Variants in CDK7 observed in about 807,000 individuals in gnomAD.
The protein encoded by CDK7 is cyclin-dependent kinase 7.
CDK7 carries 25 observed loss-of-function variants against 49.1 expected under a neutral mutation model. The ratio of observed to expected loss-of-function variants is 0.51; its 90% CI spans 0.37 to 0.71. CDK7 has a LOEUF of 0.71. Ranked by LOEUF, CDK7 falls within the 30% of genes least tolerant of loss-of-function variation. CDK7 has a pLI of 0.00. For synonymous variants in CDK7, 107 were observed against 140.0 expected, an observed-to-expected ratio of 0.76 and a Z score of 1.67; for missense variants, 316 against 411.7, an observed-to-expected ratio of 0.77 and a Z score of 2.01.
intron 2 of CDK7, among the ~76,000 whole-genome samples, chr5:69,249,957 A>G (rs1750032118): frequency 6.6e-6 from 1 of 152,230 alleles, no homozygotes; most frequent in South Asian, 2.1e-4. Flanking sequence ...TTTACCTGAT[A>G]GGATTCTGAA....
intron 2 of CDK7, among the ~76,000 whole-genome samples, chr5:69,248,476 C>T (rs1251194891): frequency 6.6e-6 from 1 of 152,040 alleles, no homozygotes; most frequent in East Asian, 1.9e-4. Context: ...CAACCTCCTC[C>T]TCCCGGGTTC....
chr5:69,274,573 T>C (rs1751915739), intron 10 of CDK7, among the ~76,000 whole-genome samples: 1 of 152,216 alleles, frequency 6.6e-6, no homozygotes, highest in Admixed American at 6.5e-5. Context: ...TTGCAAAGTT[T>C]ATATGGGCTT....
At position 69,263,946 on chromosome 5, in the gene CDK7, A is replaced by G. The variant is rs143786930; in HGVS notation, c.627+1642A>G. ...TCTTTAAAGTTATAAGGAAAATGAC[A>G]TGCAGACTAAAGAATTGTACTCTTC... On this transcript the variant is annotated intron_variant, in intron 8 of 11. Transcript: ENST00000256443. 4.1e-3 allele frequency among the ~76,000 whole-genome samples: 632 copies of G among 152,346 alleles called. 3 individuals are homozygous for G. The highest frequency in any genetic ancestry group is 0.015 in the African/African-American group (609 of 41,588).
chr5:69,237,470 G>A (rs1327559826), intron 2 of CDK7, among the ~76,000 whole-genome samples: 1 of 152,082 alleles, frequency 6.6e-6, no homozygotes, highest in Non-Finnish European at 1.5e-5. Context: ...CTCCTCCATA[G>A]AGGCCTTTGT....
At chr5:69,244,410 C>T (rs1749591319) in intron 2 of CDK7, among the ~76,000 whole-genome samples, 1 of 151,928 alleles carries the variant, frequency 6.6e-6, no homozygotes, top group African/African-American at 2.4e-5. Flanking sequence ...GTAATACCAG[C>T]ACTTTAGGAG....
At chr5:69,253,879 G>A (rs1750311381) in intron 3 of CDK7, among the ~76,000 whole-genome samples, 1 of 151,622 alleles carries the variant, frequency 6.6e-6, no homozygotes, top group African/African-American at 2.4e-5. Flanking sequence ...TGGGTAGATC[G>A]CCTGAGCTCA....
At chr5:69,237,293 T>C (rs1240905128) in intron 2 of CDK7, among the ~76,000 whole-genome samples, 1 of 152,138 alleles carries the variant, frequency 6.6e-6, no homozygotes, top group African/African-American at 2.4e-5. Flanking sequence ...CTGTCTCTGG[T>C]TCACTATATC....
chr5:69,250,956 C>T (rs746646843), intron 2 of CDK7: 1 of 449,740 alleles, frequency 2.2e-6, no homozygotes, highest in South Asian at 1.6e-5. Context: ...GAAGTAGAAT[C>T]GCCTGTTCTG....
intron 2 of CDK7, among the ~76,000 whole-genome samples, chr5:69,237,736 A>T (rs988379388): frequency 2.0e-5 from 3 of 152,080 alleles, no homozygotes; most frequent in African/African-American, 7.2e-5. Flanking sequence ...GGATCACCTG[A>T]GGTCAGGAGT....
In CDK7 at chr5:69,248,958, C is replaced by T. The variant is rs537718079; in HGVS notation, c.127-3460C>T. ...AGCTGGGATTACCAGCGTGAGCCAC[C>T]GTCCCCAGGTCCCAGTGTTCCATAA... On this transcript the variant is annotated intron_variant, in intron 2 of 11. Transcript: ENST00000256443. Among the ~76,000 whole-genome samples, 75 of 151,870 alleles carry T rather than the reference C, an allele frequency of 4.9e-4. No homozygotes were observed. In the South Asian group the frequency reaches 5.0e-3, roughly 10 times the overall value.
In CDK7 at chr5:69,235,441, C is replaced by T. The variant is rs779476831; in HGVS notation, c.114C>T (p.Val38=). The T allele has an allele frequency of 7.5e-6, 12 of 1,601,894 alleles. No individual in the cohort carries two copies. In the South Asian group the frequency reaches 1.3e-4, roughly 18 times the overall value. The change falls in exon 2 of 12, where the codon GTC becomes GTT. Residue 38 remains valine (V), a synonymous_variant. Transcript: ENST00000256443. ...KARDKNTNQI[V]AIKKIKLGHR... Reference sequence around the variant, plus strand: ...GAGATAAGAACACCAACCAAATTGTCGCCATTAAGAAAGTGAGTTACCTTT... The same window carrying T: ...GAGATAAGAACACCAACCAAATTGTTGCCATTAAGAAAGTGAGTTACCTTT...
intron 2 of CDK7, among the ~76,000 whole-genome samples, chr5:69,240,158 G>T (rs956498319): frequency 3.3e-5 from 5 of 152,102 alleles, no homozygotes; most frequent in African/African-American, 1.2e-4. Flanking sequence ...ACACTATTCT[G>T]TTCCAGTGGT....
intron 5 of CDK7, 74 bp downstream of exon 5, chr5:69,255,602 C>A: frequency 9.2e-7 from 1 of 1,082,300 alleles, no homozygotes; most frequent in South Asian, 1.3e-5. Flanking sequence ...TGTTTTCTAC[C>A]CAAGAAGATA....
chr5:69,262,686 AAAAG>A (rs1476927789), intron 8 of CDK7, among the ~76,000 whole-genome samples: 13 of 151,988 alleles, frequency 8.6e-5, no homozygotes, highest in Non-Finnish European at 1.2e-4. Context: ...AAAAAAAAGA[AAAAG>A]AAAAAGAAAA....
chr5:69,272,874 A>G lies in CDK7; in HGVS notation c.715-18A>G. On this transcript the variant is annotated intron_variant, in intron 9 of 11. Transcript: ENST00000256443. ...TGCCTTTAATCCTTAAGTTTGAATT[A>G]CAAAATTATTTTTACAGGACATGTG... The G allele has an allele frequency of 6.5e-7, 1 of 1,530,306 alleles. No homozygotes were observed. The highest frequency in any genetic ancestry group is 8.9e-7 in the Non-Finnish European group (1 of 1,126,040). 94.8% of individuals were successfully genotyped at this position (1,530,306 alleles called of 1,614,324 possible).
At chr5:69,247,849 AAAAG>A (rs1349733542) in intron 2 of CDK7, among the ~76,000 whole-genome samples, 1 of 152,230 alleles carries the variant, frequency 6.6e-6, no homozygotes, top group African/African-American at 2.4e-5. Context: ...CCAACAAGCA[AAAAG>A]AAAACTAATA....
At chr5:69,252,606 C>A (rs1750223266) in intron 3 of CDK7, among the ~76,000 whole-genome samples, 155 bp downstream of exon 3, 1 of 144,020 alleles carries the variant, frequency 6.9e-6, no homozygotes, top group Non-Finnish European at 1.5e-5. Flanking sequence ...AACTTAGGTA[C>A]TCAAGCAGTT....
intron 5 of CDK7, among the ~76,000 whole-genome samples, chr5:69,256,652 G>T (rs920553107): frequency 6.6e-6 from 1 of 152,044 alleles, no homozygotes; most frequent in Admixed American, 6.6e-5. Context: ...CTTTCTTTTA[G>T]ATAAATACCT....
intron 2 of CDK7, among the ~76,000 whole-genome samples, chr5:69,248,802 C>CTTTTTTTTTTTTTTTTT (rs70992911): frequency 2.5e-4 from 23 of 92,270 alleles, no homozygotes; most frequent in African/African-American, 4.1e-4. Context: ...TTTTTTTTTT[C>CTTTTTTTTTTTTTTTTT]TTTTTTTTTT....
Sources: gnomAD v4.1 joint callset for allele counts (sites outside exome capture counted in the v4.1 genomes callset) on GRCh38, gnomAD v4.1.1 for gene constraint, MANE v1.5 for transcripts, NCBI Gene and HGNC (gene_info 2026-07-23, HGNC 2026-07-21) for gene names.